The following ACVR2A variants were observed in gnomAD, a reference collection of about 807,000 sequenced individuals.
The protein encoded by ACVR2A is activin receptor type-2A.
In ACVR2A, 7 loss-of-function variants were observed where a neutral mutation model predicts 61.4. That is an observed-to-expected ratio of 0.11 (90% CI 0.06 to 0.21). The LOEUF (loss-of-function observed/expected upper bound fraction) is 0.21. ACVR2A is among the 10% of genes least tolerant of loss of function. The pLI is 1.00. For synonymous variants in ACVR2A, 193 were observed against 208.3 expected (o/e 0.93, Z 0.63); for missense variants, 322 against 621.7 (o/e 0.52, Z 5.13).
chr2:147,913,351 G>T (rs1687165976), intron 4 of ACVR2A, among the ~76,000 whole-genome samples: 1 of 151,744 alleles, frequency 6.6e-6, no homozygotes, highest in African/African-American at 2.4e-5. Context: ...CCTCTACCTA[G>T]TTATTTTTCC....
At chr2:147,846,809 G>A (rs1303288690) in intron 1 of ACVR2A, among the ~76,000 whole-genome samples, 1 of 152,054 alleles carries the variant, frequency 6.6e-6, no homozygotes, top group East Asian at 1.9e-4. Flanking sequence ...ATATGTTGTG[G>A]CTGGTGAACT....
intron 1 of ACVR2A, among the ~76,000 whole-genome samples, chr2:147,857,063 T>G (rs1685597201): frequency 6.6e-6 from 1 of 152,154 alleles, no homozygotes; most frequent in South Asian, 2.1e-4. Context: ...CTCCAGTAAC[T>G]ACCTTTATCG....
At chr2:147,853,090 C>T (rs1326019060) in intron 1 of ACVR2A, among the ~76,000 whole-genome samples, 2 of 151,870 alleles carry the variant, frequency 1.3e-5, no homozygotes, top group Non-Finnish European at 2.9e-5. Flanking sequence ...AATGGTAGCA[C>T]TACTAAATAA....
intron 2 of ACVR2A, among the ~76,000 whole-genome samples, chr2:147,898,481 G>A (rs1236936833): frequency 6.6e-6 from 1 of 151,958 alleles, no homozygotes; most frequent in African/African-American, 2.4e-5. Flanking sequence ...AAAACCTCCT[G>A]CCAAATAGAT....
chr2:147,894,887 C>T (rs1308901261), intron 1 of ACVR2A, among the ~76,000 whole-genome samples: 1 of 152,014 alleles, frequency 6.6e-6, no homozygotes, highest in African/African-American at 2.4e-5. Flanking sequence ...TTGAGGCAAC[C>T]ATTGTACAGT....
At chr2:147,919,437 T>C (rs1326574123) in intron 7 of ACVR2A, among the ~76,000 whole-genome samples, 1 of 152,176 alleles carries the variant, frequency 6.6e-6, no homozygotes, top group Non-Finnish European at 1.5e-5. Flanking sequence ...CCCCCAAAGT[T>C]ATTAAGGGCC....
intron 1 of ACVR2A, among the ~76,000 whole-genome samples, chr2:147,882,813 G>C (rs1686340348): frequency 1.4e-5 from 1 of 69,490 alleles, no homozygotes; most frequent in South Asian, 4.5e-4. Context: ...TTACAGACAA[G>C]AGGAAAAAAA....
In ACVR2A at chr2:147,899,730, C is replaced by G; in HGVS notation, c.374-14C>G. 1 of 1,610,432 alleles carries G rather than the reference C, an allele frequency of 6.2e-7. No individual in the cohort carries two copies. Among genetic ancestry groups the G allele is most frequent in the South Asian group, 1.1e-5 (1 of 90,288 alleles). On this transcript the variant is annotated splice_polypyrimidine_tract_variant and intron_variant, in intron 3 of 10. Transcript: ENST00000241416. Reference sequence around the variant, plus strand: ...AGACCAAATCTGAGTTATTTTTCCCCCCCTTTTCCACAGCCACTTCAAATC... The same window carrying G: ...AGACCAAATCTGAGTTATTTTTCCCGCCCTTTTCCACAGCCACTTCAAATC...
intron 1 of ACVR2A, among the ~76,000 whole-genome samples, chr2:147,856,546 T>C (rs1685577805): frequency 6.6e-6 from 1 of 152,180 alleles, no homozygotes; most frequent in South Asian, 2.1e-4. Context: ...AGTTTCATAC[T>C]TCAGGATTAG....
intron 4 of ACVR2A, among the ~76,000 whole-genome samples, chr2:147,908,065 A>C (rs1324282550): frequency 9.4e-6 from 1 of 106,258 alleles, no homozygotes; most frequent in East Asian, 2.4e-4. Context: ...GAAAAAAAAG[A>C]AAAAAAAAGC....
intron 1 of ACVR2A, among the ~76,000 whole-genome samples, chr2:147,894,616 C>T (rs187560836): frequency 1.6e-3 from 243 of 152,246 alleles, no homozygotes; most frequent in African/African-American, 5.6e-3. Context: ...GATATCACCA[C>T]TGATCTCATC....
At chr2:147,889,173 G>A (rs1469210) in intron 1 of ACVR2A, among the ~76,000 whole-genome samples, 49,491 of 151,956 alleles carry the variant, frequency 0.33, 8,303 homozygotes, top group East Asian at 0.51. Flanking sequence ...TTGCTGTGAT[G>A]TAATACTTTT....
At chr2:147,924,503 T>C (rs910530956) in intron 9 of ACVR2A, among the ~76,000 whole-genome samples, 1 of 151,910 alleles carries the variant, frequency 6.6e-6, no homozygotes, top group Admixed American at 6.6e-5. Flanking sequence ...AATTGCTTTG[T>C]TTATGGGGAA....
rs148780382 is a variant in ACVR2A at position 147,909,224 on chromosome 2, A to G, written c.529-5967A>G. Among the ~76,000 whole-genome samples, 37 of 152,278 alleles carry G rather than the reference A, an allele frequency of 2.4e-4. No homozygotes were observed. The East Asian group carries it at 7.2e-3, about 29-fold the overall frequency. On this transcript the variant is annotated intron_variant, in intron 4 of 10. Coordinates refer to ENST00000241416, the MANE Select transcript of ACVR2A (RefSeq NM_001616.5). ...ATCTTCTCAGACTTTACCTGTCATT[A>G]TAAGTCAGGTTTCTCTTTACAGATG...
chr2:147,922,647 G>T (rs1558815266), intron 8 of ACVR2A, among the ~76,000 whole-genome samples: 2 of 148,938 alleles, frequency 1.3e-5, no homozygotes, highest in African/African-American at 2.5e-5. Flanking sequence ...CTCAAAAAAA[G>T]TTTTTTTTTT....
At chr2:147,848,029 TG>T (rs1685356807) in intron 1 of ACVR2A, among the ~76,000 whole-genome samples, 1 of 152,156 alleles carries the variant, frequency 6.6e-6, no homozygotes, top group Non-Finnish European at 1.5e-5. Flanking sequence ...AAAGAGGAAA[TG>T]GAAATATGGT....
At chr2:147,891,988 T>C (rs965601981) in intron 1 of ACVR2A, among the ~76,000 whole-genome samples, 1 of 152,184 alleles carries the variant, frequency 6.6e-6, no homozygotes, top group African/African-American at 2.4e-5. Flanking sequence ...TTTTGTTTTT[T>C]TGAGACAGAG....
At position 147,871,288 on chromosome 2, in the gene ACVR2A, A is replaced by AT. The variant is rs1364587654; in HGVS notation, c.56-25012dup. On this transcript the variant is annotated intron_variant, in intron 1 of 10. Coordinates refer to ENST00000241416, the MANE Select transcript of ACVR2A (RefSeq NM_001616.5). Reference sequence around the variant, plus strand: ...CTTTGTCTTTGTCAATGTTGAGTAAATGCCAATGAGTTAATATATTAATAC... The same window carrying AT: ...CTTTGTCTTTGTCAATGTTGAGTAAATTGCCAATGAGTTAATATATTAATAC... Among the ~76,000 whole-genome samples, 9 of 152,076 alleles carry AT rather than the reference A, an allele frequency of 5.9e-5. No homozygotes were observed. In the East Asian group the frequency reaches 9.6e-4, roughly 16 times the overall value.
intron 5 of ACVR2A, among the ~76,000 whole-genome samples, chr2:147,916,725 T>C (rs904689778): frequency 6.6e-6 from 1 of 151,946 alleles, no homozygotes; most frequent in African/African-American, 2.4e-5. Context: ...TTAGTAGACA[T>C]GGATTGCTTG....
Sources: allele counts gnomAD v4.1 joint callset (sites outside exome capture counted in the v4.1 genomes callset), GRCh38; gene constraint gnomAD v4.1.1; transcripts MANE v1.5; gene names NCBI Gene and HGNC (gene_info 2026-07-23, HGNC 2026-07-21).